The following VPS13B variants were observed in gnomAD, a reference collection of about 807,000 sequenced individuals.
The protein encoded by VPS13B is intermembrane lipid transfer protein VPS13B.
Under a neutral mutation model 426.4 loss-of-function variants are expected in VPS13B, and 285 were observed. The observed-to-expected ratio is 0.67, with a 90% CI of 0.61 to 0.74. The LOEUF (loss-of-function observed/expected upper bound fraction) is 0.74. VPS13B is among the 30% of genes least tolerant of loss of function. The pLI is 0.00. For missense variants in VPS13B, 4,537 were observed against 4,782.6 expected (o/e 0.95, Z 1.51); for synonymous variants, 1,676 against 1,676.4 (o/e 1.00, Z 0.01).
intron 37 of VPS13B, among the ~76,000 whole-genome samples, chr8:99,719,961 C>T (rs368159422): frequency 6.6e-6 from 1 of 152,082 alleles, no homozygotes; most frequent in Non-Finnish European, 1.5e-5. Flanking sequence ...CAGAGCTGTC[C>T]CACAAGGTTA....
At chr8:99,280,899 C>G (rs184455961) in intron 19 of VPS13B, among the ~76,000 whole-genome samples, 50 of 152,180 alleles carry the variant, frequency 3.3e-4, no homozygotes, top group Admixed American at 2.9e-3. Context: ...CCTCTTTAGT[C>G]TCCAGCATTT....
intron 3 of VPS13B, among the ~76,000 whole-genome samples, chr8:99,085,702 C>G (rs532472560): frequency 7.9e-5 from 12 of 152,268 alleles, no homozygotes; most frequent in Admixed American, 2.0e-4. Context: ...TTCTCCTTCA[C>G]TTGTCAAGCT....
At chr8:99,551,793 ACAT>A (rs1305070329) in intron 30 of VPS13B, among the ~76,000 whole-genome samples, 1 of 151,872 alleles carries the variant, frequency 6.6e-6, no homozygotes, top group East Asian at 1.9e-4. Flanking sequence ...CACAATTTAG[ACAT>A]CATTATTATT....
intron 14 of VPS13B, among the ~76,000 whole-genome samples, chr8:99,152,712 G>A (rs772038475): frequency 1.3e-5 from 2 of 152,134 alleles, no homozygotes; most frequent in Middle Eastern, 3.4e-3. Flanking sequence ...GTCTTTTTAC[G>A]GAATTGACAC....
chr8:99,050,396 C>T (rs181987016), intron 3 of VPS13B, among the ~76,000 whole-genome samples: 50 of 152,104 alleles, frequency 3.3e-4, no homozygotes, highest in Non-Finnish European at 5.3e-4. Flanking sequence ...AGTATTCAAT[C>T]GTGTATATGT....
intron 19 of VPS13B, among the ~76,000 whole-genome samples, chr8:99,304,385 T>A (rs754877382): frequency 1.3e-5 from 2 of 152,096 alleles, no homozygotes; most frequent in African/African-American, 4.8e-5. Flanking sequence ...CAGATGTGAT[T>A]GCTTTAAAAG....
intron 23 of VPS13B, among the ~76,000 whole-genome samples, chr8:99,452,263 C>T (rs1429156915): frequency 6.6e-6 from 1 of 152,170 alleles, no homozygotes; most frequent in Non-Finnish European, 1.5e-5. Context: ...GTCCTCTAGG[C>T]ATCTTTCTCC....
intron 2 of VPS13B, among the ~76,000 whole-genome samples, chr8:99,028,712 TG>T (rs1383320552): frequency 1.1e-4 from 9 of 80,728 alleles, no homozygotes; most frequent in African/African-American, 1.7e-4. Context: ...GCTGGCCGGG[TG>T]GGGGGCTGAC....
At chr8:99,062,094 T>C (rs1844221132) in intron 3 of VPS13B, among the ~76,000 whole-genome samples, 1 of 152,224 alleles carries the variant, frequency 6.6e-6, no homozygotes, top group Non-Finnish European at 1.5e-5. Context: ...TTTTGCTTCC[T>C]TCAACTTGTC....
At position 99,819,548 on chromosome 8, in the gene VPS13B, C is replaced by T. The variant is rs1554567542; in HGVS notation, c.8758C>T (p.Pro2920Ser). The T allele has an allele frequency of 4.3e-6, 7 of 1,613,750 alleles. No individual in the cohort carries two copies. Among genetic ancestry groups the T allele is most frequent in the Non-Finnish European group, 5.9e-6 (7 of 1,179,840 alleles). ...CTATGGGCCAGAAAAGTCGCTTCAA[C>T]CCATATGGCCCTATAATAAGAAGGA... ...EFYGPEKSLQ[P>S]IWPYNKKDSD... Residue 2920 changes from proline (P) to serine (S), a missense_variant, in exon 48 of 62, where the codon CCC becomes TCC. Physicochemically the swap from Pro to Ser is moderately conservative, Grantham distance 74. Coordinates refer to ENST00000357162, the MANE Select transcript of VPS13B (RefSeq NM_152564.5).
At chr8:99,446,876 CA>C (rs1356306590) in intron 23 of VPS13B, among the ~76,000 whole-genome samples, 1 of 152,164 alleles carries the variant, frequency 6.6e-6, no homozygotes, top group Non-Finnish European at 1.5e-5. Context: ...TCTAAAACCG[CA>C]AATTAGTTTT....
chr8:99,437,239 C>A (rs931939909), intron 22 of VPS13B, among the ~76,000 whole-genome samples: 1 of 152,014 alleles, frequency 6.6e-6, no homozygotes, highest in East Asian at 1.9e-4. Context: ...ATTTGCTAAA[C>A]CCATATTATT....
intron 21 of VPS13B, among the ~76,000 whole-genome samples, chr8:99,413,466 C>T (rs1251740135): frequency 6.6e-6 from 1 of 151,732 alleles, no homozygotes; most frequent in Non-Finnish European, 1.5e-5. Flanking sequence ...TTCTTGTCTT[C>T]TGCTGGCTTC....
chr8:99,203,830 C>T (rs572744704), intron 17 of VPS13B, among the ~76,000 whole-genome samples: 1 of 152,238 alleles, frequency 6.6e-6, no homozygotes, highest in African/African-American at 2.4e-5. Context: ...TCAAGGAGAA[C>T]TATGAACCAC....
At chr8:99,153,818 T>G (rs1196298602) in intron 14 of VPS13B, among the ~76,000 whole-genome samples, 1 of 152,092 alleles carries the variant, frequency 6.6e-6, no homozygotes, top group African/African-American at 2.4e-5. Context: ...ATTCTGACCT[T>G]TATCATTTTT....
chr8:99,260,460 AAAAT>A, intron 17 of VPS13B, among the ~76,000 whole-genome samples: 1 of 152,256 alleles, frequency 6.6e-6, no homozygotes, highest in East Asian at 1.9e-4. Flanking sequence ...AACCAGAGGG[AAAAT>A]AAATAAATGG....
intron 3 of VPS13B, among the ~76,000 whole-genome samples, chr8:99,082,420 C>G (rs1466907820): frequency 6.6e-6 from 1 of 152,108 alleles, no homozygotes; most frequent in Admixed American, 6.5e-5. Context: ...GATGCCTGTT[C>G]ACTCTGATGG....
chr8:99,521,126 T>TA lies in VPS13B; in HGVS notation c.4745+116_4745+117insA. On this transcript the variant is annotated intron_variant, in intron 30 of 61. Coordinates refer to ENST00000357162, the MANE Select transcript of VPS13B (RefSeq NM_152564.5). ...ATTTCTCATTCAGGATCTTTTGATA[T>TA]TTAAAACCAGGTTTTTCTGATTTTC... 3.5e-6 allele frequency: 3 copies of TA among 858,154 alleles called. No homozygotes were observed. The East Asian group carries it at 7.8e-5, about 22-fold the overall frequency. The allele number at this position is 858,154 out of a possible 1,614,324, so 53.2% of individuals were successfully genotyped here.
intron 58 of VPS13B, among the ~76,000 whole-genome samples, chr8:99,864,428 C>T (rs1345086826): frequency 2.0e-5 from 3 of 152,158 alleles, no homozygotes; most frequent in African/African-American, 4.8e-5. Context: ...CATGGTGGCA[C>T]ATCCCTGTGG....
Sources: gnomAD v4.1 joint callset for allele counts (sites outside exome capture counted in the v4.1 genomes callset) on GRCh38, gnomAD v4.1.1 for gene constraint, MANE v1.5 for transcripts, NCBI Gene and HGNC (gene_info 2026-07-23, HGNC 2026-07-21) for gene names.